Variants in RAB3C observed in about 807,000 individuals in gnomAD.
RAB3C encodes the protein RAB3C, member RAS oncogene family.
A neutral mutation model predicts 26.4 loss-of-function variants in RAB3C; 17 were observed. That is an observed-to-expected ratio of 0.64 (90% CI 0.44 to 0.97). The LOEUF (loss-of-function observed/expected upper bound fraction) is 0.97. Ranked by LOEUF, RAB3C falls within the 50% of genes least tolerant of loss-of-function variation. The pLI, the probability that RAB3C is intolerant of heterozygous loss-of-function variation, is 0.00. For synonymous variants in RAB3C, 91 were observed against 95.9 expected (o/e 0.95, Z 0.30); for missense variants, 242 against 281.9 (o/e 0.86, Z 1.01).
intron 3 of RAB3C, among the ~76,000 whole-genome samples, chr5:58,804,955 A>G (rs770775384): frequency 1.3e-5 from 2 of 151,360 alleles, no homozygotes; most frequent in African/African-American, 4.9e-5. Flanking sequence ...TTGTTTGTAC[A>G]TACTAGATAT....
At chr5:58,697,432 A>G (rs1416231095) in intron 2 of RAB3C, among the ~76,000 whole-genome samples, 2 of 152,128 alleles carry the variant, frequency 1.3e-5, no homozygotes, top group Admixed American at 1.3e-4. Context: ...GTAGATGTCT[A>G]TTAGGTCTGC....
intron 3 of RAB3C, among the ~76,000 whole-genome samples, chr5:58,782,817 A>G (rs956357464): frequency 1.3e-5 from 2 of 152,210 alleles, no homozygotes; most frequent in African/African-American, 4.8e-5. Flanking sequence ...CACCTGAAAA[A>G]AAGATAGGAT....
chr5:58,647,947 GA>G (rs1747561924), intron 2 of RAB3C, among the ~76,000 whole-genome samples: 1 of 152,096 alleles, frequency 6.6e-6, no homozygotes, highest in Non-Finnish European at 1.5e-5. Flanking sequence ...TTTGAAGATG[GA>G]AAACAGCTGA....
intron 2 of RAB3C, among the ~76,000 whole-genome samples, chr5:58,698,301 G>A (rs886510007): frequency 2.0e-5 from 3 of 152,192 alleles, no homozygotes; most frequent in Non-Finnish European, 4.4e-5. Flanking sequence ...TCAGCTGTTA[G>A]TATGATGGGC....
intron 3 of RAB3C, among the ~76,000 whole-genome samples, chr5:58,761,049 CCT>C (rs756510215): frequency 6.8e-6 from 1 of 147,698 alleles, no homozygotes; most frequent in Non-Finnish European, 1.5e-5. Context: ...TCTCTCTCTC[CCT>C]CTCTCTCTCT....
intron 3 of RAB3C, among the ~76,000 whole-genome samples, chr5:58,790,776 T>A (rs1742507639): frequency 6.6e-6 from 1 of 152,120 alleles, no homozygotes; most frequent in Non-Finnish European, 1.5e-5. Flanking sequence ...CTATTATAAT[T>A]ATTTGATAAA....
At chr5:58,612,232 T>C (rs1280861391) in intron 1 of RAB3C, among the ~76,000 whole-genome samples, 3 of 152,086 alleles carry the variant, frequency 2.0e-5, no homozygotes, top group African/African-American at 4.8e-5. Context: ...TTTGGTTCAA[T>C]ATGAATTTTA....
chr5:58,622,012 G>C (rs1013731848), intron 2 of RAB3C, among the ~76,000 whole-genome samples: 5 of 152,156 alleles, frequency 3.3e-5, no homozygotes, highest in African/African-American at 9.7e-5. Context: ...TAGTAGATTT[G>C]CAACAGTCTA....
At chr5:58,759,147 A>G (rs1203659493) in intron 3 of RAB3C, among the ~76,000 whole-genome samples, 2 of 152,234 alleles carry the variant, frequency 1.3e-5, no homozygotes, top group African/African-American at 4.8e-5. Context: ...TGTACATTTC[A>G]GTGAAGGATA....
Position 58,782,441 on chromosome 5 carries a change from A to G in RAB3C, c.372-42597A>G, listed in dbSNP as rs554469015. 3.9e-5 allele frequency among the ~76,000 whole-genome samples: 6 copies of G among 152,280 alleles called. No homozygotes were observed. The South Asian group carries it at 1.2e-3, about 32-fold the overall frequency. On this transcript the variant is annotated intron_variant, in intron 3 of 4. Coordinates refer to ENST00000282878, the MANE Select transcript of RAB3C (RefSeq NM_138453.4). Reference sequence around the variant, plus strand: ...CCGCATGCTTTAACACCTTGTACACAGTATTTAAGTAGTATCTCCAAATGT... The same window carrying G: ...CCGCATGCTTTAACACCTTGTACACGGTATTTAAGTAGTATCTCCAAATGT...
intron 2 of RAB3C, among the ~76,000 whole-genome samples, chr5:58,651,986 AT>A (rs1747662733): frequency 6.6e-6 from 1 of 152,072 alleles, no homozygotes; most frequent in Non-Finnish European, 1.5e-5. Context: ...TTGTTGTATT[AT>A]TATCTTTTAT....
chr5:58,617,909 GTGT>G, intron 2 of RAB3C, 39 bp downstream of exon 2: 1 of 1,307,964 alleles, frequency 7.6e-7, no homozygotes. Context: ...TCAGGCTGGG[GTGT>G]TGAACATATC....
intron 2 of RAB3C, chr5:58,644,451 T>C (rs527825552): frequency 4.6e-5 from 7 of 152,164 alleles, no homozygotes; most frequent in African/African-American, 1.7e-4. Context: ...AGGTGGAAGA[T>C]ACAAATAACT....
chr5:58,710,665 C>T (rs1342107599), intron 2 of RAB3C, among the ~76,000 whole-genome samples: 1 of 151,428 alleles, frequency 6.6e-6, no homozygotes, highest in Non-Finnish European at 1.5e-5. Flanking sequence ...AAAAGAGAAG[C>T]TTTTCCAACG....
intron 2 of RAB3C, among the ~76,000 whole-genome samples, chr5:58,680,827 C>A (rs184354422): frequency 6.6e-6 from 1 of 152,236 alleles, no homozygotes; most frequent in East Asian, 1.9e-4. Flanking sequence ...ATCTCAAGAC[C>A]CTTAATCACA....
At chr5:58,811,356 T>C (rs1308059699) in intron 3 of RAB3C, among the ~76,000 whole-genome samples, 1 of 140,332 alleles carries the variant, frequency 7.1e-6, no homozygotes, top group Non-Finnish European at 1.7e-5. Flanking sequence ...TGTGTGTGTA[T>C]GTGTGTGTAT....
intron 2 of RAB3C, among the ~76,000 whole-genome samples, chr5:58,624,458 C>A (rs999376844): frequency 6.6e-6 from 1 of 152,164 alleles, no homozygotes; most frequent in Non-Finnish European, 1.5e-5. Context: ...GGGCTTGAAG[C>A]TTTTACAGTT....
intron 1 of RAB3C, among the ~76,000 whole-genome samples, chr5:58,602,763 ATAGT>A (rs780158748): frequency 6.4e-4 from 98 of 151,996 alleles, no homozygotes; most frequent in Non-Finnish European, 1.0e-3. Context: ...AAGGCAGGAG[ATAGT>A]TGGTTGGTGA....
At chr5:58,657,533 A>G (rs1257320009) in intron 2 of RAB3C, among the ~76,000 whole-genome samples, 2 of 152,164 alleles carry the variant, frequency 1.3e-5, no homozygotes, top group Non-Finnish European at 2.9e-5. Flanking sequence ...AGCTCTTAGG[A>G]GAGAAAAGAC....
Sources: gnomAD v4.1 joint callset for allele counts (sites outside exome capture counted in the v4.1 genomes callset) on GRCh38, gnomAD v4.1.1 for gene constraint, MANE v1.5 for transcripts, NCBI Gene and HGNC (gene_info 2026-07-23, HGNC 2026-07-21) for gene names.